Variants in NRG1 observed in about 807,000 individuals in gnomAD.
NRG1 encodes the protein pro-neuregulin-1, membrane-bound isoform.
Under a neutral mutation model 63.8 loss-of-function variants are expected in NRG1, and 18 were observed. That is an observed-to-expected ratio of 0.28 (90% CI 0.19 to 0.42). The LOEUF is 0.42. Among genes scored for constraint, NRG1 ranks in the 10% least tolerant of loss-of-function variants. The pLI is 1.00. For missense variants in NRG1, 762 were observed against 814.7 expected (o/e 0.94, Z 0.79); for synonymous variants, 302 against 301.3 (o/e 1.00, Z -0.02).
intron 1 of NRG1, among the ~76,000 whole-genome samples, chr8:31,848,986 A>T (rs1826952897): frequency 6.6e-6 from 1 of 152,200 alleles, no homozygotes; most frequent in South Asian, 2.1e-4. Context: ...CACGAAACAG[A>T]TCCCTATGCC....
intron 1 of NRG1, among the ~76,000 whole-genome samples, chr8:32,039,946 G>A (rs947770564): frequency 1.3e-5 from 2 of 151,946 alleles, no homozygotes; most frequent in Admixed American, 6.6e-5. Context: ...TGCTTGAACC[G>A]AAGAGTTTGA....
intron 1 of NRG1, among the ~76,000 whole-genome samples, chr8:32,557,143 C>G (rs935207492): frequency 3.3e-5 from 5 of 152,012 alleles, no homozygotes; most frequent in Admixed American, 6.6e-5. Context: ...GTAGCTGAGA[C>G]TACAGGCGCC....
rs141990393 is a variant in NRG1 at position 32,263,580 on chromosome 8, C to T, written c.38-332248C>T. On this transcript the variant is annotated intron_variant, in intron 1 of 10. Transcript: ENST00000519301. ...TCGATAGTTTCCCAAAGACTTTAAA[C>T]GACTAACTATCAAAGAAGAGAATAT... Among the ~76,000 whole-genome samples, 560 of 152,234 alleles carry T rather than the reference C, an allele frequency of 3.7e-3. 5 individuals are homozygous for T. Among genetic ancestry groups the T allele is most frequent in the African/African-American group, 0.013 (533 of 41,536 alleles).
intron 1 of NRG1, among the ~76,000 whole-genome samples, chr8:32,228,761 T>C (rs1018005535): frequency 6.6e-6 from 1 of 152,198 alleles, no homozygotes; most frequent in East Asian, 1.9e-4. Context: ...ACTCTCACAA[T>C]TGTGACATAT....
chr8:32,058,056 G>T (rs1586795326), intron 1 of NRG1, among the ~76,000 whole-genome samples: 1 of 32,958 alleles, frequency 3.0e-5, no homozygotes, highest in East Asian at 0.019. Context: ...CAATTATACC[G>T]ACTTGATCTT....
At chr8:32,759,465 T>C (rs1830295575) in intron 10 of NRG1, 29 bp downstream of exon 10, 1 of 1,607,400 alleles carries the variant, frequency 6.2e-7, no homozygotes, top group Admixed American at 1.7e-5. Context: ...TCCACGGCTT[T>C]TCTCTCAGAA....
At chr8:32,738,156 T>C (rs1433745357) in intron 6 of NRG1, among the ~76,000 whole-genome samples, 3 of 151,982 alleles carry the variant, frequency 2.0e-5, no homozygotes, top group African/African-American at 7.3e-5. Context: ...TCACAGATCA[T>C]CACAATACAG....
rs574722632 is a variant in NRG1, at chr8:32,082,856, A to G, written c.37+443425A>G. Among the ~76,000 whole-genome samples, 6 of 152,292 alleles carry G rather than the reference A, an allele frequency of 3.9e-5. No individual in the cohort carries two copies. In the East Asian group the frequency reaches 1.2e-3, roughly 29 times the overall value. On this transcript the variant is annotated intron_variant, in intron 1 of 10. Transcript: ENST00000519301. Reference sequence around the variant, plus strand: ...AATATATGTTTAACTGTCACATGCAAGTATATTTCAGTTTTTAAAAGCTCA... The same window carrying G: ...AATATATGTTTAACTGTCACATGCAGGTATATTTCAGTTTTTAAAAGCTCA...
At chr8:32,260,347 A>G (rs1850227922) in intron 1 of NRG1, among the ~76,000 whole-genome samples, 1 of 152,180 alleles carries the variant, frequency 6.6e-6, no homozygotes, top group African/African-American at 2.4e-5. Context: ...TTATGTCATT[A>G]ATTTAGCAAA....
chr8:32,490,490 G>A (rs1184479770), intron 1 of NRG1, among the ~76,000 whole-genome samples: 1 of 61,510 alleles, frequency 1.6e-5, no homozygotes, highest in Non-Finnish European at 3.3e-5. Context: ...CTTGAGCCAG[G>A]CTTTGTATTC....
At chr8:32,551,211 C>T (rs758114997) in intron 1 of NRG1, among the ~76,000 whole-genome samples, 2 of 152,180 alleles carry the variant, frequency 1.3e-5, no homozygotes, top group Non-Finnish European at 2.9e-5. Flanking sequence ...CCCAAAGGAA[C>T]GACCTATAGA....
chr8:31,766,326 C>T (rs1818055973), intron 1 of NRG1, among the ~76,000 whole-genome samples: 1 of 152,130 alleles, frequency 6.6e-6, no homozygotes, highest in Non-Finnish European at 1.5e-5. Context: ...GTGTCTTCAC[C>T]CCTCTGTTAC....
At chr8:32,410,164 T>A (rs570977258) in intron 1 of NRG1, among the ~76,000 whole-genome samples, 2 of 148,730 alleles carry the variant, frequency 1.3e-5, no homozygotes, top group East Asian at 3.9e-4. Flanking sequence ...AAGGAAAGGA[T>A]CTTTTTCTTT....
At chr8:31,753,013 G>C (rs1816637773) in intron 1 of NRG1, among the ~76,000 whole-genome samples, 1 of 151,904 alleles carries the variant, frequency 6.6e-6, no homozygotes, top group Non-Finnish European at 1.5e-5. Flanking sequence ...CAATTTATTG[G>C]TTCTTTCTCA....
intron 1 of NRG1, among the ~76,000 whole-genome samples, chr8:31,761,247 A>G (rs1037165573): frequency 6.6e-6 from 1 of 152,138 alleles, no homozygotes; most frequent in Admixed American, 6.5e-5. Flanking sequence ...ATGGGAATTG[A>G]ACAATGAGAA....
At chr8:31,879,995 T>C (rs549299159) in intron 1 of NRG1, among the ~76,000 whole-genome samples, 87 of 152,300 alleles carry the variant, frequency 5.7e-4, no homozygotes, top group African/African-American at 1.9e-3. Flanking sequence ...ATCTTTGCTA[T>C]TGTGAACAAT....
chr8:31,702,582 T>C (rs1296776689), intron 1 of NRG1, among the ~76,000 whole-genome samples: 1 of 152,080 alleles, frequency 6.6e-6, no homozygotes, highest in Non-Finnish European at 1.5e-5. Context: ...AGCCAGTATC[T>C]ATGACTGGCT....
At chr8:31,711,029 T>C (rs1811690304) in intron 1 of NRG1, among the ~76,000 whole-genome samples, 1 of 152,224 alleles carries the variant, frequency 6.6e-6, no homozygotes. Context: ...ACTATGTTTG[T>C]ACTTCTATCA....
intron 1 of NRG1, among the ~76,000 whole-genome samples, chr8:31,698,291 C>G (rs1810290129): frequency 6.6e-6 from 1 of 152,176 alleles, no homozygotes. Context: ...CAAGCTCGAG[C>G]TGACACACAC....
Sources: allele counts gnomAD v4.1 joint callset (sites outside exome capture counted in the v4.1 genomes callset), GRCh38; gene constraint gnomAD v4.1.1; transcripts MANE v1.5; gene names NCBI Gene and HGNC (gene_info 2026-07-23, HGNC 2026-07-21).